PFKM: variants seen among roughly 807,000 people sequenced by gnomAD.
PFKM encodes the protein ATP-dependent 6-phosphofructokinase, muscle type.
In PFKM, 58 loss-of-function variants were observed where a neutral mutation model predicts 95.5. That is an observed-to-expected ratio of 0.61 (90% CI 0.49 to 0.76). The LOEUF (loss-of-function observed/expected upper bound fraction) is 0.76. Among genes scored for constraint, PFKM ranks in the 30% least tolerant of loss-of-function variants. The pLI is 0.00. For missense variants in PFKM, 678 were observed against 1,005.4 expected (o/e 0.67, Z 4.40); for synonymous variants, 336 against 357.2 (o/e 0.94, Z 0.67).
Position 48,133,299 on chromosome 12 carries a change from T to G in PFKM, c.428-16T>G. 6.2e-7 allele frequency: 1 copy of G among 1,613,364 alleles called. No individual in the cohort carries two copies. The highest frequency in any genetic ancestry group is 8.5e-7 in the Non-Finnish European group (1 of 1,179,264). ...GTGCCTCACCCAGTGGCTCCTGGTTTGCTTCTCATTGTCAGGTAAGATCAC... is the reference window on the plus strand; with the variant it reads ...GTGCCTCACCCAGTGGCTCCTGGTTGGCTTCTCATTGTCAGGTAAGATCAC... On this transcript the variant is annotated splice_polypyrimidine_tract_variant and intron_variant, in intron 5 of 22. Coordinates refer to ENST00000359794, the MANE Select transcript of PFKM (RefSeq NM_000289.6).
Position 48,133,045 on chromosome 12 carries a change from C to T in PFKM, c.415C>T (p.Leu139Phe). Residue 139 changes from leucine (L) to phenylalanine (F), a missense_variant, in exon 5 of 23, where the codon CTC (leucine) becomes TTC (phenylalanine). Leu to Phe is a conservative substitution (Grantham distance 22, BLOSUM62 0). Transcript: ENST00000359794. The part of the protein sequence containing the change: ...RSEWSDLLSD[L>F]QKAGKITDEE... ...TGAGTGGAGTGACTTGTTGAGTGACCTCCAGAAAGCAGGTAAGAGAGTTTT... is the reference window on the plus strand; with the variant it reads ...TGAGTGGAGTGACTTGTTGAGTGACTTCCAGAAAGCAGGTAAGAGAGTTTT... 4.3e-6 allele frequency: 7 copies of T among 1,614,054 alleles called. No homozygotes were observed. The highest frequency in any genetic ancestry group is 5.9e-6 in the Non-Finnish European group (7 of 1,179,940).
intron 3 of PFKM, among the ~76,000 whole-genome samples, chr12:48,113,897 G>T (rs1277340782): frequency 6.6e-6 from 1 of 152,162 alleles, no homozygotes. Context: ...TCTGGGTCTA[G>T]GGTGGTAAAG....
intron 4 of PFKM, chr12:48,131,937 G>A (rs1156712503): frequency 2.2e-6 from 1 of 447,634 alleles, no homozygotes; most frequent in African/African-American, 2.0e-5. Flanking sequence ...CTGTGGGCTA[G>A]CCCACAGTGA....
In PFKM at chr12:48,130,502, C is replaced by A. The variant is rs934634594; in HGVS notation, c.159+66C>A. The A allele has an allele frequency of 6.7e-6, 8 of 1,202,920 alleles. No homozygotes were observed. The African/African-American group carries it at 1.2e-4, about 18-fold the overall frequency. 74.5% of individuals were successfully genotyped at this position (1,202,920 alleles called of 1,614,324 possible). On this transcript the variant is annotated intron_variant, in intron 3 of 22. Transcript: ENST00000359794. ...TTCTTCTAAATCTGCCTTCTATCCC[C>A]TTCCCACATTCTGTGTCCTTACCTC... is the stretch of plus-strand genomic sequence containing the variant.
Position 48,134,711 on chromosome 12 carries a change from C to G in PFKM, c.639-10C>G, listed in dbSNP as rs2135915213. 6.3e-7 allele frequency: 1 copy of G among 1,583,698 alleles called. No individual in the cohort carries two copies. Among genetic ancestry groups the G allele is most frequent in the Non-Finnish European group, 8.7e-7 (1 of 1,152,334 alleles). On this transcript the variant is annotated splice_polypyrimidine_tract_variant and intron_variant, in intron 7 of 22. Coordinates refer to ENST00000359794, the MANE Select transcript of PFKM (RefSeq NM_000289.6). The stretch of plus-strand genomic sequence containing the variant: ...AACTTCTAGCAGGATGCTTCTGACT[C>G]TCATCTCAGATACCTGGCCCTTGTC...
intron 2 of PFKM, among the ~76,000 whole-genome samples, chr12:48,123,075 G>T (rs1298132722): frequency 6.6e-6 from 1 of 152,132 alleles, no homozygotes; most frequent in East Asian, 1.9e-4. Flanking sequence ...AAGTTTCTTT[G>T]AAGACAGGGG....
At position 48,135,008 on chromosome 12, in the gene PFKM, A is replaced by G; in HGVS notation, c.813A>G (p.Gly271=). The G allele has an allele frequency of 6.2e-7, 1 of 1,613,770 alleles. No homozygotes were observed. The highest frequency in any genetic ancestry group is 2.2e-5 in the East Asian group (1 of 44,866). Residue 271 remains glycine (G), a synonymous_variant, in exon 9 of 23, where the codon GGA becomes GGG. Coordinates refer to ENST00000359794, the MANE Select transcript of PFKM (RefSeq NM_000289.6). ...IVAEGAIDKN[G]KPITSEDIKN... ...CTGAGGGTGCAATTGACAAGAATGG[A>G]AAACCAATCACCTCAGAAGACATCA...
chr12:48,106,229 C>T, intron 1 of PFKM: 3 of 648,764 alleles, frequency 4.6e-6, no homozygotes, highest in South Asian at 3.3e-5. Flanking sequence ...GCCCGAGAAG[C>T]GAAGGGAGCA....
chr12:48,137,496 GAAGT>G (rs1192779387), intron 10 of PFKM: 1 of 588,642 alleles, frequency 1.7e-6, no homozygotes, highest in Admixed American at 2.9e-5. Flanking sequence ...TGTTTCTCTA[GAAGT>G]AAGTAGAATC....
chr12:48,137,578 G>C, intron 10 of PFKM, 143 bp from the exon 11 acceptor site: 5 of 894,954 alleles, frequency 5.6e-6, no homozygotes, highest in Non-Finnish European at 9.0e-6. Context: ...GGGAGGTAAA[G>C]CCCAGTAAGT....
intron 5 of PFKM, 51 bp downstream of exon 5, chr12:48,133,108 CGT>C: frequency 6.6e-7 from 1 of 1,524,514 alleles, no homozygotes; most frequent in South Asian, 1.1e-5. Context: ...TACGTGCACG[CGT>C]GTACACACAC....
intron 3 of PFKM, among the ~76,000 whole-genome samples, chr12:48,110,867 CAT>C (rs1336917358): frequency 9.9e-5 from 15 of 152,226 alleles, no homozygotes; most frequent in African/African-American, 3.6e-4. Context: ...CAGCTCCTGG[CAT>C]AAGAAAGCCA....
In PFKM at chr12:48,139,910, A is replaced by G. The variant is rs781452083; in HGVS notation, c.1189A>G (p.Lys397Glu). ...LLAHVRPPVS[K>E]SGSHTVAVMN... is the part of the protein sequence containing the mutation. ...AGCTCATGTCAGACCCCCGGTATCT[A>G]AGGTACTGGCAAGTTGACTTGCCCT... Residue 397 changes from lysine to glutamate, a missense_variant and splice_region_variant, in exon 13 of 23, where the codon AAG (lysine) becomes GAG (glutamate). Lys to Glu is a moderately conservative substitution (Grantham distance 56, BLOSUM62 1). Coordinates refer to ENST00000359794, the MANE Select transcript of PFKM (RefSeq NM_000289.6). 1.9e-6 allele frequency: 3 copies of G among 1,606,752 alleles called. No homozygotes were observed. Among genetic ancestry groups the G allele is most frequent in the Non-Finnish European group, 2.6e-6 (3 of 1,173,354 alleles).
At chr12:48,144,202 C>T (rs778527114) in intron 20 of PFKM, 45 bp downstream of exon 20, 4 of 1,284,332 alleles carry the variant, frequency 3.1e-6, no homozygotes, top group Non-Finnish European at 4.5e-6. Flanking sequence ...ACAGCCATAC[C>T]TGCCAACAGC....
At chr12:48,124,993 G>A (rs907981149) in intron 2 of PFKM, among the ~76,000 whole-genome samples, 1 of 152,122 alleles carries the variant, frequency 6.6e-6, no homozygotes, top group African/African-American at 2.4e-5. Context: ...GTGAGATTGA[G>A]CTGTGTAAAA....
chr12:48,118,938 C>T (rs1008143611), upstream of PFKM, among the ~76,000 whole-genome samples: 6 of 152,080 alleles, frequency 3.9e-5, no homozygotes, highest in Non-Finnish European at 5.9e-5. Flanking sequence ...CACACAGACT[C>T]CCAAGAAATG....
At chr12:48,119,343 CCT>C, upstream of PFKM, 1 of 984,316 alleles carries the variant, frequency 1.0e-6, no homozygotes, top group Non-Finnish European at 1.2e-6. Flanking sequence ...GTCCATCACC[CCT>C]CCCCCCTTTC....
chr12:48,145,618 C>T lies in PFKM; in HGVS notation c.2253C>T (p.Ile751=). 6.2e-7 allele frequency: 1 copy of T among 1,614,084 alleles called. No individual in the cohort carries two copies. ...TGAAACTGAGGCCCATCCTCAAAAT[C>T]CTAGCCAAGTACGAGATTGACTTGG... is the stretch of plus-strand genomic sequence containing the variant. ...WWLKLRPILK[I]LAKYEIDLDT... Residue 751 remains isoleucine (I), a synonymous_variant, in exon 23 of 23, where the codon ATC becomes ATT. Transcript: ENST00000359794. The surrounding 1 kb of genome is among the most constrained non-coding windows in gnomAD (Gnocchi z 4.3).
chr12:48,137,742 G>T lies in PFKM; in HGVS notation c.958G>T (p.Ala320Ser). 1 of 1,614,192 alleles carries T rather than the reference G, an allele frequency of 6.2e-7. No individual in the cohort carries two copies. Among genetic ancestry groups the T allele is most frequent in the Non-Finnish European group, 8.5e-7 (1 of 1,180,018 alleles). The stretch of plus-strand genomic sequence containing the variant: ...GCAGGGCAGCAGGATGGGTGTGGAA[G>T]CAGTGATGGCACTTTTGGAGGGGAC... Reference protein sequence around the residue: ...RILGSRMGVEAVMALLEGTPD... With the variant: ...RILGSRMGVESVMALLEGTPD... The change falls in exon 11 of 23, where the codon GCA becomes TCA. Residue 320 changes from alanine to serine, a missense_variant. By Grantham distance (99) the Ala-to-Ser change is moderately conservative (BLOSUM62 1). Coordinates refer to ENST00000359794, the MANE Select transcript of PFKM (RefSeq NM_000289.6).
Sources: gnomAD v4.1 joint callset for allele counts (sites outside exome capture counted in the v4.1 genomes callset) on GRCh38, gnomAD v4.1.1 for gene constraint, Gnocchi (gnomAD v3.1) non-coding constraint, MANE v1.5 for transcripts, NCBI Gene and HGNC (gene_info 2026-07-23, HGNC 2026-07-21) for gene names.